Variants in DDX24 observed in about 807,000 individuals in gnomAD.
DDX24 encodes the protein ATP-dependent RNA helicase DDX24.
In DDX24, 24 loss-of-function variants were observed where a neutral mutation model predicts 68.9. That is an observed-to-expected ratio of 0.35 (90% CI 0.25 to 0.49). The LOEUF (loss-of-function observed/expected upper bound fraction) is 0.49. Ranked by LOEUF, DDX24 falls within the 20% of genes least tolerant of loss-of-function variation. DDX24 has a pLI of 0.99. For synonymous variants in DDX24, 395 were observed against 385.2 expected (o/e 1.03, Z -0.30); for missense variants, 989 against 1,039.0 (o/e 0.95, Z 0.66).
Position 94,060,166 on chromosome 14 carries a change from C to G in DDX24, c.1845G>C (p.Leu615Phe). The G allele has an allele frequency of 6.2e-7, 1 of 1,614,168 alleles. No homozygotes were observed. Among genetic ancestry groups the G allele is most frequent in the Non-Finnish European group, 8.5e-7 (1 of 1,180,044 alleles). ...GLLKVLDIMP[L>F]TLHACMHQKQ... Reference sequence around the variant, plus strand: ...TCTGGTGCATACAGGCATGCAGGGTCAAGGGCATGATATCAAGGACTTTGA... The same window carrying G: ...TCTGGTGCATACAGGCATGCAGGGTGAAGGGCATGATATCAAGGACTTTGA... Residue 615 changes from leucine to phenylalanine, a missense_variant, in exon 5 of 9, where the codon TTG (leucine) becomes TTC (phenylalanine). Leu to Phe is a conservative substitution (Grantham distance 22). Around this residue, in one of 3 missense-constraint regions of DDX24, gnomAD observed 691 missense variants for 760.0 expected, o/e 0.91. Coordinates refer to ENST00000621632, the MANE Select transcript of DDX24 (RefSeq NM_020414.4).
chr14:94,059,873 A>G (rs559814356), intron 5 of DDX24, among the ~76,000 whole-genome samples: 4 of 152,094 alleles, frequency 2.6e-5, no homozygotes, highest in African/African-American at 4.8e-5. Flanking sequence ...ATTGTCACCT[A>G]TATTCATTAG....
intron 8 of DDX24, among the ~76,000 whole-genome samples, chr14:94,052,353 C>G (rs899729410): frequency 1.3e-5 from 2 of 152,178 alleles, no homozygotes; most frequent in South Asian, 2.1e-4. Context: ...TGTGACAGAG[C>G]TGTTTCCCTG....
chr14:94,076,499 A>C (rs906833379), intron 2 of DDX24, among the ~76,000 whole-genome samples: 2 of 152,004 alleles, frequency 1.3e-5, no homozygotes, highest in African/African-American at 4.8e-5. Flanking sequence ...TGACCAACAT[A>C]GTGAAACCCC....
Position 94,071,521 on chromosome 14 carries a change from C to T in DDX24, c.718+7504G>A, listed in dbSNP as rs530523682. Among the ~76,000 whole-genome samples the T allele has an allele frequency of 5.9e-3, 904 of 152,236 alleles. 16 individuals carry two copies. The highest frequency in any genetic ancestry group is 0.036 in the South Asian group (174 of 4,822). On this transcript the variant is annotated intron_variant, in intron 2 of 8. Transcript: ENST00000621632. ...AAAATTAGTCGGGCATGGTGGCAGG[C>T]ACCTGTAATCCCAGCTACTTAAGGA...
Position 94,071,922 on chromosome 14 carries a change from G to A in DDX24, c.718+7103C>T, listed in dbSNP as rs190071856. Among the ~76,000 whole-genome samples the A allele has an allele frequency of 2.3e-3, 347 of 152,254 alleles. 2 individuals carry two copies. The highest frequency in any genetic ancestry group is 0.017 in the Middle Eastern group (5 of 294). On this transcript the variant is annotated intron_variant, in intron 2 of 8. Transcript: ENST00000621632. ...ATTGCGCCATTGCACTCCAGCCTGG[G>A]CAACAAGAGCGAAACTCCATCTCAA... is the stretch of plus-strand genomic sequence containing the variant.
chr14:94,060,767 G>A, intron 4 of DDX24, 146 bp downstream of exon 4: 1 of 1,453,366 alleles, frequency 6.9e-7, no homozygotes, highest in South Asian at 1.4e-5. Context: ...TCTCCCTCAT[G>A]CACTCTTGGC....
intron 8 of DDX24, 111 bp downstream of exon 8, chr14:94,052,887 G>A (rs1885414623): frequency 6.3e-6 from 9 of 1,430,624 alleles, no homozygotes; most frequent in Non-Finnish European, 8.4e-6. Flanking sequence ...AGAGGGGGAA[G>A]GACGCCTTGC....
rs1272777910 is a variant in DDX24 at position 94,061,197 on chromosome 14, G to A, written c.1244-131C>T. ...GTAATGCCCTAGAGCATTGCTAAAAGAGCAGGCCTGGCCAGACTGTTGACG... is the reference window on the plus strand; with the variant it reads ...GTAATGCCCTAGAGCATTGCTAAAAAAGCAGGCCTGGCCAGACTGTTGACG... On this transcript the variant is annotated intron_variant, in intron 3 of 8. Transcript: ENST00000621632. 4.3e-5 allele frequency: 46 copies of A among 1,071,840 alleles called. No homozygotes were observed. The East Asian group carries it at 9.8e-4, about 23-fold the overall frequency. 66.4% of individuals were successfully genotyped at this position (1,071,840 alleles called of 1,614,324 possible).
chr14:94,072,496 T>C (rs973082256), intron 2 of DDX24, among the ~76,000 whole-genome samples: 57 of 152,318 alleles, frequency 3.7e-4, no homozygotes, highest in African/African-American at 1.4e-3. Context: ...AAATATGGTG[T>C]AGCGTATATT....
At position 94,062,575 on chromosome 14, in the gene DDX24, C is replaced by T; in HGVS notation, c.765G>A (p.Val255=). The T allele has an allele frequency of 6.2e-7, 1 of 1,612,894 alleles. No homozygotes were observed. The highest frequency in any genetic ancestry group is 2.2e-5 in the East Asian group (1 of 44,886). Residue 255 remains valine (V), a synonymous_variant, in exon 3 of 9, where the codon GTG becomes GTA. Coordinates refer to ENST00000621632, the MANE Select transcript of DDX24 (RefSeq NM_020414.4). ...CAGCATTCCTCTTCTGCCACTGCAACACCGCATGAATCATTGGGATGGCAA... is the reference window on the plus strand; with the variant it reads ...CAGCATTCCTCTTCTGCCACTGCAATACCGCATGAATCATTGGGATGGCAA... ...LAFAIPMIHA[V]LQWQKRNAAP...
chr14:94,077,988 C>T (rs1329818139), intron 2 of DDX24, among the ~76,000 whole-genome samples: 1 of 151,166 alleles, frequency 6.6e-6, no homozygotes, highest in Non-Finnish European at 1.5e-5. Context: ...CTTCTGTAAC[C>T]GTGGGTTCTG....
At chr14:94,078,971 G>C in intron 2 of DDX24, 54 bp downstream of exon 2, 1 of 1,510,138 alleles carries the variant, frequency 6.6e-7, no homozygotes, top group South Asian at 1.2e-5. Context: ...TGGCCTATTA[G>C]CAGCTATGGG....
Position 94,060,179 on chromosome 14 carries a change from T to C in DDX24, c.1832A>G (p.Asp611Gly). 1 of 1,614,182 alleles carries C rather than the reference T, an allele frequency of 6.2e-7. No individual in the cohort carries two copies. The highest frequency in any genetic ancestry group is 8.5e-7 in the Non-Finnish European group (1 of 1,180,050). ...KRLSGLLKVL[D>G]IMPLTLHACM... ...GGCATGCAGGGTCAAGGGCATGATA[T>C]CAAGGACTTTGAGGAGCCCAGAGAG... The change falls in exon 5 of 9, where the codon GAT becomes GGT. Residue 611 changes from aspartate (D) to glycine (G), a missense_variant. By Grantham distance (94) the Asp-to-Gly change is moderately conservative. Transcript: ENST00000621632.
intron 2 of DDX24, among the ~76,000 whole-genome samples, chr14:94,074,571 C>A (rs1006225843): frequency 2.0e-5 from 3 of 152,190 alleles, no homozygotes; most frequent in African/African-American, 7.2e-5. Context: ...ACTTCCACAA[C>A]GTGATAAAAA....
intron 2 of DDX24, among the ~76,000 whole-genome samples, chr14:94,073,490 G>T (rs35034321): frequency 6.6e-6 from 1 of 151,648 alleles, no homozygotes; most frequent in African/African-American, 2.4e-5. Flanking sequence ...GAAAGTAATA[G>T]TATTGAAAAA....
intron 1 of DDX24, among the ~76,000 whole-genome samples, chr14:94,080,311 G>C (rs1374753084): frequency 6.6e-6 from 1 of 152,086 alleles, no homozygotes; most frequent in Non-Finnish European, 1.5e-5. Context: ...TTTGCCAAGC[G>C]TCTTAAAACC....
rs766939385 is a variant in DDX24 at position 94,051,348 on chromosome 14, T to A, written c.2423A>T (p.Lys808Met). Residue 808 changes from lysine (K) to methionine (M), a missense_variant, in exon 9 of 9, where the codon AAG becomes ATG. Physicochemically the swap from Lys to Met is moderately conservative, Grantham distance 95. Around this residue, in one of 3 missense-constraint regions of DDX24, gnomAD observed 691 missense variants for 760.0 expected, o/e 0.91. Transcript: ENST00000621632. ...CGGCTTGCCAGACTGAGTGGGATAC[T>A]TGGTTTTCTGGCTCTCCGTAAACAG... ...QPLFTESQKTKYPTQSGKPPL... is the reference protein window; with the variant it reads ...QPLFTESQKTMYPTQSGKPPL... 6.2e-7 allele frequency: 1 copy of A among 1,613,458 alleles called. No individual in the cohort carries two copies. The highest frequency in any genetic ancestry group is 1.1e-5 in the South Asian group (1 of 90,974).
Position 94,060,034 on chromosome 14 carries a change from T to A in DDX24, c.1913+64A>T, listed in dbSNP as rs537598517. Reference sequence around the variant, plus strand: ...TGGCTTTTCTACCATTTCCCCACCATCCTGACCCCTTTTACCCCAGTAACT... The same window carrying A: ...TGGCTTTTCTACCATTTCCCCACCAACCTGACCCCTTTTACCCCAGTAACT... On this transcript the variant is annotated intron_variant, in intron 5 of 8. Transcript: ENST00000621632. 6 of 1,527,860 alleles carry A rather than the reference T, an allele frequency of 3.9e-6. No homozygotes were observed. The East Asian group carries it at 6.8e-5, about 17-fold the overall frequency. 94.6% of individuals were successfully genotyped at this position (1,527,860 alleles called of 1,614,324 possible).
Position 94,050,989 on chromosome 14 carries a change from A to G in DDX24, c.*202T>C. On this transcript the variant is annotated 3_prime_UTR_variant, in exon 9 of 9. Coordinates refer to ENST00000621632, the MANE Select transcript of DDX24 (RefSeq NM_020414.4). The stretch of plus-strand genomic sequence containing the variant: ...AAGAAGCCTATAAACACTGCAATAC[A>G]GAAAAATTAAGCTGCTGCATTGAAT... The G allele has an allele frequency of 2.1e-6, 1 of 484,794 alleles. No individual in the cohort carries two copies. Among genetic ancestry groups the G allele is most frequent in the Non-Finnish European group, 3.5e-6 (1 of 288,966 alleles). The allele number at this position is 484,794 out of a possible 1,614,324, so 30.0% of individuals were successfully genotyped here.
Sources: allele counts gnomAD v4.1 joint callset (sites outside exome capture counted in the v4.1 genomes callset), GRCh38; gene constraint gnomAD v4.1.1; regional missense constraint gnomAD v4.1.1; transcripts MANE v1.5; gene names NCBI Gene and HGNC (gene_info 2026-07-23, HGNC 2026-07-21).